Variants in NEFM observed in about 807,000 individuals in gnomAD.
The protein encoded by NEFM is neurofilament medium chain, also known as neurofilament medium polypeptide.
Under a neutral mutation model 48.1 loss-of-function variants are expected in NEFM, and 16 were observed. The observed-to-expected ratio is 0.33, with a 90% CI of 0.23 to 0.51. NEFM has a LOEUF of 0.51. NEFM is among the 20% of genes least tolerant of loss of function. The pLI is 0.98. For synonymous variants in NEFM, 465 were observed against 456.9 expected, an observed-to-expected ratio of 1.02 and a Z score of -0.23; for missense variants, 1,107 against 1,136.0, an observed-to-expected ratio of 0.97 and a Z score of 0.37.
In NEFM at chr8:24,913,811, C is replaced by G. The variant is rs148476258; in HGVS notation, c.18C>G (p.Asp6Glu). 3.7e-6 allele frequency: 6 copies of G among 1,609,656 alleles called. No individual in the cohort carries two copies. Among genetic ancestry groups the G allele is most frequent in the South Asian group, 2.2e-5 (2 of 90,686 alleles). MSYTL[D>E]SLGNPSAYRR... is the part of the protein sequence containing the mutation. ...CCTCCAAGATGAGCTACACGTTGGA[C>G]TCGCTGGGCAACCCGTCCGCCTACC... The change falls in exon 1 of 3, where the codon GAC becomes GAG. Residue 6 changes from aspartate to glutamate, a missense_variant. By Grantham distance (45) the Asp-to-Glu change is conservative (BLOSUM62 2). Around this residue, in one of 3 missense-constraint regions of NEFM, gnomAD observed 186 missense variants for 200.6 expected, o/e 0.93. Coordinates refer to ENST00000221166, the MANE Select transcript of NEFM (RefSeq NM_005382.2).
chr8:24,918,843 G>A lies in NEFM; in HGVS notation c.*237G>A, dbSNP rs1802624284. On this transcript the variant is annotated 3_prime_UTR_variant, in exon 3 of 3. Coordinates refer to ENST00000221166, the MANE Select transcript of NEFM (RefSeq NM_005382.2). ...GCCGATTTCCTAAGCTGTTGGAAGG[G>A]GGTCACTTAAGGGGGGATGTCTTGA... is the stretch of plus-strand genomic sequence containing the variant. 3.7e-6 allele frequency: 2 copies of A among 541,988 alleles called. No homozygotes were observed. Among genetic ancestry groups the A allele is most frequent in the South Asian group, 2.1e-5 (1 of 46,952 alleles). 33.6% of individuals were successfully genotyped at this position (541,988 alleles called of 1,614,324 possible). A position where few individuals can be genotyped will look rare whatever the true frequency, so the allele number is the denominator to read the frequency against.
Position 24,917,542 on chromosome 8 carries a change from G to A in NEFM, c.1687G>A (p.Glu563Lys). 6.4e-7 allele frequency: 1 copy of A among 1,562,844 alleles called. No homozygotes were observed. Among genetic ancestry groups the A allele is most frequent in the Non-Finnish European group, 8.7e-7 (1 of 1,153,230 alleles). ...GAAGGAAGGCTCTAGTGAAAAAGAG[G>A]AAGGTGAGCAGGAAGAAGGAGAAAC... ...SEKEGSSEKE[E>K]GEQEEGETEA... Residue 563 changes from glutamate to lysine, a missense_variant, in exon 3 of 3, where the codon GAA (glutamate) becomes AAA (lysine). Glu to Lys is a moderately conservative substitution (Grantham distance 56). This residue lies in a region of NEFM where 917 missense variants were observed against 916.4 expected (regional missense o/e 1.00). Coordinates refer to ENST00000221166, the MANE Select transcript of NEFM (RefSeq NM_005382.2).
rs1290537510 is a variant in NEFM, at chr8:24,918,316, A to C, written c.2461A>C (p.Ser821Arg). 3.7e-6 allele frequency: 6 copies of C among 1,613,822 alleles called. 1 individual carries two copies. In the South Asian group the frequency reaches 6.6e-5, roughly 18 times the overall value. Residue 821 changes from serine (S) to arginine (R), a missense_variant, in exon 3 of 3, where the codon AGT (serine) becomes CGT (arginine). Physicochemically the swap from Ser to Arg is moderately radical, Grantham distance 110 (BLOSUM62 -1). This residue lies in a region of NEFM where 917 missense variants were observed against 916.4 expected (regional missense o/e 1.00). Transcript: ENST00000221166. ...AGAGCAGGAGACCAAGGAAAAAGGC[A>C]GTGGGAGGGAAGAGGAGAAAGGCGT... The part of the protein sequence containing the change: ...EVEQETKEKG[S>R]GREEEKGVVT...
At chr8:24,916,864 G>A (rs183396294) in intron 2 of NEFM, among the ~76,000 whole-genome samples, 197 bp from the exon 3 acceptor site, 3 of 152,276 alleles carry the variant, frequency 2.0e-5, no homozygotes, top group Admixed American at 2.0e-4. Flanking sequence ...GGCAGTCCAG[G>A]AGAATCTTTC....
At chr8:24,915,248 G>A in intron 1 of NEFM, 1 of 1,272,812 alleles carries the variant, frequency 7.9e-7, no homozygotes, top group East Asian at 3.7e-5. Flanking sequence ...GTGATCGGAA[G>A]AGCTCTCAAA....
rs1199798696 is a variant in NEFM at position 24,917,619 on chromosome 8, G to A, written c.1764G>A (p.Val588=). The A allele has an allele frequency of 1.2e-6, 2 of 1,612,372 alleles. No homozygotes were observed. Among genetic ancestry groups the A allele is most frequent in the African/African-American group, 1.3e-5 (1 of 74,864 alleles). ...EEAEAKEEKK[V]EEKSEEVATK... ...CCGAAGCTAAAGAGGAAAAGAAAGT[G>A]GAGGAAAAGAGTGAGGAAGTGGCTA... The change falls in exon 3 of 3, where the codon GTG becomes GTA. Residue 588 remains valine (V), a synonymous_variant. Coordinates refer to ENST00000221166, the MANE Select transcript of NEFM (RefSeq NM_005382.2).
At position 24,918,347 on chromosome 8, in the gene NEFM, C is replaced by G. The variant is rs1488233677; in HGVS notation, c.2492C>G (p.Thr831Ser). The change falls in exon 3 of 3, where the codon ACC becomes AGC. Residue 831 changes from threonine to serine, a missense_variant. Physicochemically the swap from Thr to Ser is moderately conservative, Grantham distance 58. Transcript: ENST00000221166. The part of the protein sequence containing the change: ...SGREEEKGVV[T>S]NGLDLSPADE... The stretch of plus-strand genomic sequence containing the variant: ...AGGGAAGAGGAGAAAGGCGTTGTCA[C>G]CAATGGCCTAGACTTGAGCCCAGCA... 2.5e-6 allele frequency: 4 copies of G among 1,614,014 alleles called. No individual in the cohort carries two copies. The highest frequency in any genetic ancestry group is 2.5e-6 in the Non-Finnish European group (3 of 1,180,004).
rs1324068372 is a variant in NEFM at position 24,918,775 on chromosome 8, TG to T, written c.*174del. ...CTCAGGGTGCTCCCTCCTCAGTCTT[TG>T]GGGGATTCAAATGCATGATATTGTA... On this transcript the variant is annotated 3_prime_UTR_variant, in exon 3 of 3. Coordinates refer to ENST00000221166, the MANE Select transcript of NEFM (RefSeq NM_005382.2). 3.1e-6 allele frequency: 2 copies of T among 650,396 alleles called. No individual in the cohort carries two copies. The highest frequency in any genetic ancestry group is 5.0e-5 in the Admixed American group (2 of 40,108). The allele number at this position is 650,396 out of a possible 1,614,324, so 40.3% of individuals were successfully genotyped here. A position where few individuals can be genotyped will look rare whatever the true frequency, so the allele number is the denominator to read the frequency against.
In NEFM at chr8:24,914,135, C is replaced by T; in HGVS notation, c.342C>T (p.Gly114=). 1 of 1,613,024 alleles carries T rather than the reference C, an allele frequency of 6.2e-7. No individual in the cohort carries two copies. The highest frequency in any genetic ancestry group is 8.5e-7 in the Non-Finnish European group (1 of 1,179,868). ...QLQGLNDRFA[G]YIEKVHYLEQ... is the part of the protein sequence containing the mutation. ...AGGGGCTGAACGACCGCTTTGCCGG[C>T]TACATAGAGAAGGTGCACTACCTGG... The change falls in exon 1 of 3, where the codon GGC becomes GGT. Residue 114 remains glycine, a synonymous_variant. Transcript: ENST00000221166.
At position 24,917,550 on chromosome 8, in the gene NEFM, G is replaced by A. The variant is rs1802595314; in HGVS notation, c.1695G>A (p.Glu565=). 1 of 1,566,786 alleles carries A rather than the reference G, an allele frequency of 6.4e-7. No homozygotes were observed. The highest frequency in any genetic ancestry group is 8.7e-7 in the Non-Finnish European group (1 of 1,155,430). Residue 565 remains glutamate (E), a synonymous_variant, in exon 3 of 3, where the codon GAG becomes GAA. Transcript: ENST00000221166. ...GCTCTAGTGAAAAAGAGGAAGGTGA[G>A]CAGGAAGAAGGAGAAACAGAAGCTG... is the stretch of plus-strand genomic sequence containing the variant. ...KEGSSEKEEG[E]QEEGETEAEA...
At position 24,914,846 on chromosome 8, in the gene NEFM, C is replaced by T. The variant is rs1404096877; in HGVS notation, c.1053C>T (p.Arg351=). 6.3e-7 allele frequency: 1 copy of T among 1,596,808 alleles called. No homozygotes were observed. The highest frequency in any genetic ancestry group is 1.1e-5 in the South Asian group (1 of 88,838). The change falls in exon 1 of 3, where the codon CGC becomes CGT. Residue 351 remains arginine (R), a synonymous_variant. Coordinates refer to ENST00000221166, the MANE Select transcript of NEFM (RefSeq NM_005382.2). ...GGCAGCTCAGCGACATCGAGGAGCG[C>T]CACAACCACGACCTCAGCAGCTACC... The part of the protein sequence containing the change: ...LERQLSDIEE[R]HNHDLSSYQD...
Position 24,918,312 on chromosome 8 carries a change from A to T in NEFM, c.2457A>T (p.Lys819Asn). The T allele has an allele frequency of 6.2e-7, 1 of 1,613,672 alleles. No individual in the cohort carries two copies. The highest frequency in any genetic ancestry group is 8.5e-7 in the Non-Finnish European group (1 of 1,179,802). The change falls in exon 3 of 3, where the codon AAA becomes AAT. Residue 819 changes from lysine (K) to asparagine (N), a missense_variant. Physicochemically the swap from Lys to Asn is moderately conservative, Grantham distance 94. Transcript: ENST00000221166. Reference protein sequence around the residue: ...KEEVEQETKEKGSGREEEKGV... With the variant: ...KEEVEQETKENGSGREEEKGV... ...AGGTAGAGCAGGAGACCAAGGAAAA[A>T]GGCAGTGGGAGGGAAGAGGAGAAAG...
Position 24,918,449 on chromosome 8 carries a change from G to C in NEFM, c.2594G>C (p.Gly865Ala), listed in dbSNP as rs144200733. ...ACGGTAGAAAAAATCACCAGTGAGG[G>C]GGGAGATGGTGCTACCAAATACATC... ...TKTVEKITSE[G>A]GDGATKYITK... The change falls in exon 3 of 3, where the codon GGG (glycine) becomes GCG (alanine). Residue 865 changes from glycine (G) to alanine (A), a missense_variant. Physicochemically the swap from Gly to Ala is moderately conservative, Grantham distance 60. Transcript: ENST00000221166. 2.3e-4 allele frequency: 367 copies of C among 1,613,964 alleles called. No individual in the cohort carries two copies. Among genetic ancestry groups the C allele is most frequent in the Non-Finnish European group, 2.9e-4 (348 of 1,180,014 alleles).
intron 1 of NEFM, 22 bp from the exon 2 acceptor site, chr8:24,915,583 A>T (rs779649709): frequency 1.1e-5 from 18 of 1,613,868 alleles, no homozygotes; most frequent in Non-Finnish European, 1.5e-5. Context: ...GAGTCTGGGG[A>T]GATTCTCTGT....
Position 24,917,217 on chromosome 8 carries a change from G to T in NEFM, c.1362G>T (p.Glu454Asp). 6.2e-7 allele frequency: 1 copy of T among 1,614,110 alleles called. No individual in the cohort carries two copies. The change falls in exon 3 of 3, where the codon GAG becomes GAT. Residue 454 changes from glutamate (E) to aspartate (D), a missense_variant. By Grantham distance (45) the Glu-to-Asp change is conservative. This residue lies in a region of NEFM where 917 missense variants were observed against 916.4 expected (regional missense o/e 1.00). Coordinates refer to ENST00000221166, the MANE Select transcript of NEFM (RefSeq NM_005382.2). ...TTAAGGTCCAACACAAATTTGTCGA[G>T]GAGATCATAGAGGAAACCAAAGTGG... ...PKLKVQHKFV[E>D]EIIEETKVED...
chr8:24,918,662 T>C lies in NEFM; in HGVS notation c.*56T>C, dbSNP rs1802620706. The stretch of plus-strand genomic sequence containing the variant: ...TATGACAATTTCAAAATGCATGTGA[T>C]TGGCAGCTTCAAAACAGAACGGGTT... On this transcript the variant is annotated 3_prime_UTR_variant, in exon 3 of 3. Coordinates refer to ENST00000221166, the MANE Select transcript of NEFM (RefSeq NM_005382.2). The C allele has an allele frequency of 7.8e-7, 1 of 1,288,284 alleles. No individual in the cohort carries two copies. The highest frequency in any genetic ancestry group is 1.1e-6 in the Non-Finnish European group (1 of 893,462). The allele number at this position is 1,288,284 out of a possible 1,614,324, so 79.8% of individuals were successfully genotyped here. A position where few individuals can be genotyped will look rare whatever the true frequency, so the allele number is the denominator to read the frequency against.
In NEFM at chr8:24,914,535, C is replaced by G. The variant is rs1281370672; in HGVS notation, c.742C>G (p.Gln248Glu). 2 of 1,614,002 alleles carry G rather than the reference C, an allele frequency of 1.2e-6. No individual in the cohort carries two copies. The highest frequency in any genetic ancestry group is 1.7e-6 in the Non-Finnish European group (2 of 1,180,024). ...GGAGGAGGTGGCCGACCTTCTGGCC[C>G]AGATCCAGGCATCGCACATCACGGT... ...HEEEVADLLA[Q>E]IQASHITVER... Residue 248 changes from glutamine (Q) to glutamate (E), a missense_variant, in exon 1 of 3, where the codon CAG becomes GAG. Gln to Glu is a conservative substitution (Grantham distance 29). Around this residue, in one of 3 missense-constraint regions of NEFM, gnomAD observed 917 missense variants for 916.4 expected, o/e 1.00. Transcript: ENST00000221166.
Position 24,914,197 on chromosome 8 carries a change from C to T in NEFM, c.404C>T (p.Ala135Val), listed in dbSNP as rs1802537026. The change falls in exon 1 of 3, where the codon GCG (alanine) becomes GTG (valine). Residue 135 changes from alanine (A) to valine (V), a missense_variant. This residue lies in a region of NEFM where 186 missense variants were observed against 200.6 expected (regional missense o/e 0.93). Coordinates refer to ENST00000221166, the MANE Select transcript of NEFM (RefSeq NM_005382.2). The stretch of plus-strand genomic sequence containing the variant: ...AAGGAGATTGAGGCGGAGATCCAGG[C>T]GCTGCGGCAGAAGCAGGCCTCGCAC... ...QNKEIEAEIQALRQKQASHAQ... is the reference protein window; with the variant it reads ...QNKEIEAEIQVLRQKQASHAQ... The T allele has an allele frequency of 1.9e-6, 3 of 1,611,700 alleles. No individual in the cohort carries two copies. The highest frequency in any genetic ancestry group is 1.1e-5 in the South Asian group (1 of 90,850).
At chr8:24,915,841 C>A in intron 2 of NEFM, 112 bp downstream of exon 2, 1 of 1,369,362 alleles carries the variant, frequency 7.3e-7, no homozygotes, top group Middle Eastern at 2.1e-4. Context: ...ATCAACTCAG[C>A]ACCTGGTTAT....
Sources: allele counts gnomAD v4.1 joint callset (sites outside exome capture counted in the v4.1 genomes callset), GRCh38; gene constraint gnomAD v4.1.1; regional missense constraint gnomAD v4.1.1; transcripts MANE v1.5; gene names NCBI Gene and HGNC (gene_info 2026-07-23, HGNC 2026-07-21).